The following ZNF320 variants were observed in gnomAD, a reference collection of about 807,000 sequenced individuals.
The protein encoded by ZNF320 is zinc finger protein 320.
Under a neutral mutation model 6.8 loss-of-function variants are expected in ZNF320, and 2 were observed. That is an observed-to-expected ratio of 0.29 (90% CI 0.12 to 0.93). The LOEUF is 0.93. Among genes scored for constraint, ZNF320 ranks in the 40% least tolerant of loss-of-function variants. The pLI, the probability that ZNF320 is intolerant of heterozygous loss-of-function variation, is 0.55. For missense variants in ZNF320, 472 were observed against 611.0 expected (o/e 0.77, Z 2.40); for synonymous variants, 208 against 203.2 (o/e 1.02, Z -0.20).
At chr19:52,898,903 C>G (rs574457983), upstream of ZNF320, among the ~76,000 whole-genome samples, 1 of 152,334 alleles carries the variant, frequency 6.6e-6, no homozygotes, top group South Asian at 2.1e-4. Context: ...GGCCTGGCCC[C>G]GGGGCTGCCT....
chr19:52,865,652 TATG>T (rs1210039244), intron 5 of ZNF320, among the ~76,000 whole-genome samples: 4 of 128,744 alleles, frequency 3.1e-5, no homozygotes, highest in Non-Finnish European at 4.7e-5. Context: ...TATATTTATA[TATG>T]ATTATACATA....
rs1410702208 is a variant in ZNF320 at position 52,890,233 on chromosome 19, C to A, written c.15+8G>T. 1 of 1,607,480 alleles carries A rather than the reference C, an allele frequency of 6.2e-7. No individual in the cohort carries two copies. Among genetic ancestry groups the A allele is most frequent in the East Asian group, 2.2e-5 (1 of 44,868 alleles). On this transcript the variant is annotated splice_region_variant and intron_variant, in intron 4 of 5. Transcript: ENST00000682928. ...AGACAGAACAATCCACCGAGAATAT[C>A]ATCTCACCTGAGAAAGAGCCATCCC...
At chr19:52,892,747 T>C (rs1016728208) in intron 2 of ZNF320, among the ~76,000 whole-genome samples, 15 of 151,168 alleles carry the variant, frequency 9.9e-5, no homozygotes, top group South Asian at 2.1e-4. Context: ...GTCTCTTCCT[T>C]GTTATACCTC....
upstream of ZNF320, among the ~76,000 whole-genome samples, chr19:52,899,771 T>C (rs1351903675): frequency 6.6e-6 from 1 of 152,206 alleles, no homozygotes; most frequent in Non-Finnish European, 1.5e-5. Context: ...ATAGATAGCA[T>C]TTCTTATCAG....
chr19:52,887,100 C>G (rs1293766924), intron 5 of ZNF320, among the ~76,000 whole-genome samples: 1 of 152,134 alleles, frequency 6.6e-6, no homozygotes, highest in Non-Finnish European at 1.5e-5. Flanking sequence ...CTTCAGAGAT[C>G]TCAGGATTGA....
chr19:52,866,867 T>TAA (rs2063582582), intron 5 of ZNF320, among the ~76,000 whole-genome samples: 1 of 13,920 alleles, frequency 7.2e-5, no homozygotes. Flanking sequence ...TCACAAAACA[T>TAA]ACAAAAAAAA....
At chr19:52,861,713 T>C (rs1049982980) in exon 6 of ZNF320, 1 of 258,020 alleles carries the variant, frequency 3.9e-6, no homozygotes, top group Non-Finnish European at 8.3e-6. Flanking sequence ...GAATTGACTC[T>C]AATGACAATT....
chr19:52,902,482 T>C (rs1453482871), upstream of ZNF320, among the ~76,000 whole-genome samples: 1 of 152,238 alleles, frequency 6.6e-6, no homozygotes, highest in Non-Finnish European at 1.5e-5. Flanking sequence ...ATATTTGATC[T>C]ATTTCAACCA....
chr19:52,900,670 G>A (rs8109633), upstream of ZNF320, among the ~76,000 whole-genome samples: 24,538 of 151,702 alleles, frequency 0.16, 2,554 homozygotes, highest in South Asian at 0.31. Context: ...GGATGTTTAC[G>A]CTAGGATCTA....
chr19:52,904,296 G>A, the ZNF320 span: 1 of 152,270 alleles, frequency 6.6e-6, no homozygotes, highest in South Asian at 2.1e-4. Flanking sequence ...ATGCTCCACA[G>A]GGCAGGCCTA....
rs978360231 is a variant in ZNF320 at position 52,891,042 on chromosome 19, G to A, written c.-74+187C>T. ...TGGGCATCTGTAATCCCAGCTACTC[G>A]GGAAGCTGAGGTTGGAGGATCACTT... On this transcript the variant is annotated intron_variant, in intron 3 of 5. Transcript: ENST00000682928. Among the ~76,000 whole-genome samples the A allele has an allele frequency of 3.6e-4, 55 of 152,160 alleles. 1 individual carries two copies. The highest frequency in any genetic ancestry group is 1.2e-3 in the African/African-American group (51 of 41,506).
downstream of ZNF320, chr19:52,874,073 C>T: frequency 2.6e-6 from 1 of 377,376 alleles, no homozygotes; most frequent in South Asian, 2.2e-5. Flanking sequence ...GAAATCAATC[C>T]TGTATGTGAA....
At chr19:52,873,526 C>A (rs1375734895), downstream of ZNF320, among the ~76,000 whole-genome samples, 1 of 152,200 alleles carries the variant, frequency 6.6e-6, no homozygotes, top group Non-Finnish European at 1.5e-5. Flanking sequence ...CAAAGCAGAA[C>A]AATTTTTCTT....
At chr19:52,867,521 C>T (rs1288198305) in intron 5 of ZNF320, among the ~76,000 whole-genome samples, 1 of 151,982 alleles carries the variant, frequency 6.6e-6, no homozygotes, top group Non-Finnish European at 1.5e-5. Context: ...TATTCTCCAA[C>T]AGGATGTTCC....
intron 4 of ZNF320, 115 bp downstream of exon 4, chr19:52,890,126 T>G (rs186622937): frequency 4.7e-6 from 7 of 1,477,418 alleles, no homozygotes; most frequent in Non-Finnish European, 6.5e-6. Flanking sequence ...GCATGGGTGA[T>G]TGTGAGCAAA....
chr19:52,903,585 T>A, the ZNF320 span, among the ~76,000 whole-genome samples: 1 of 152,202 alleles, frequency 6.6e-6, no homozygotes, highest in African/African-American at 2.4e-5. Flanking sequence ...CCAGTCTATT[T>A]CACACAAAGT....
At chr19:52,873,317 C>A (rs1342436185), downstream of ZNF320, among the ~76,000 whole-genome samples, 1 of 152,206 alleles carries the variant, frequency 6.6e-6, no homozygotes, top group Non-Finnish European at 1.5e-5. Flanking sequence ...GAGGTCCCTG[C>A]AGCTTTCTGC....
At chr19:52,860,051 T>C (rs542786946), downstream of ZNF320, among the ~76,000 whole-genome samples, 12 of 152,094 alleles carry the variant, frequency 7.9e-5, no homozygotes, top group South Asian at 2.1e-3. Flanking sequence ...TAGCTGGGAC[T>C]ACAGGCGCCC....
rs772752032 is a variant in ZNF320, at chr19:52,881,390, T to C, written c.736A>G (p.Lys246Glu). Residue 246 changes from lysine (K) to glutamate (E), a missense_variant, in exon 6 of 6, where the codon AAG becomes GAG. Coordinates refer to ENST00000682928, the MANE Select transcript of ZNF320 (RefSeq NM_001351774.2). Reference sequence around the variant, plus strand: ...AAGGTCTTGCCACACTCATTACACTTATAAGGTTTCTCTCCAGTATGACTT... The same window carrying C: ...AAGGTCTTGCCACACTCATTACACTCATAAGGTTTCTCTCCAGTATGACTT... ...HRSHTGEKPY[K>E]CNECGKTFSQ... 2 of 1,614,044 alleles carry C rather than the reference T, an allele frequency of 1.2e-6. No homozygotes were observed. Among genetic ancestry groups the C allele is most frequent in the Admixed American group, 3.3e-5 (2 of 60,016 alleles).
Sources: gnomAD v4.1 joint callset for allele counts (sites outside exome capture counted in the v4.1 genomes callset) on GRCh38, gnomAD v4.1.1 for gene constraint, MANE v1.5 for transcripts, NCBI Gene and HGNC (gene_info 2026-07-23, HGNC 2026-07-21) for gene names.